The following PCDHGB1 variants were observed in gnomAD, a reference collection of about 807,000 sequenced individuals.
The protein encoded by PCDHGB1 is protocadherin gamma subfamily B, 1.
A neutral mutation model predicts 56.6 loss-of-function variants in PCDHGB1; 34 were observed. The ratio of observed to expected loss-of-function variants is 0.60; its 90% confidence interval spans 0.46 to 0.80. The LOEUF is 0.80. Ranked by LOEUF, PCDHGB1 falls within the 30% of genes least tolerant of loss-of-function variation. The pLI is 0.00. For synonymous variants in PCDHGB1, 561 were observed against 505.9 expected (o/e 1.11, Z -1.46); for missense variants, 1,278 against 1,204.6 (o/e 1.06, Z -0.90).
chr5:141,386,298 A>T (rs1459802596), intron 1 of PCDHGB1, among the ~76,000 whole-genome samples: 1 of 152,242 alleles, frequency 6.6e-6, no homozygotes, highest in African/African-American at 2.4e-5. Flanking sequence ...ACATTTTAGT[A>T]AAGCTCAGTA....
chr5:141,504,755 T>A (rs953075905), intron 2 of PCDHGB1, among the ~76,000 whole-genome samples: 13 of 151,824 alleles, frequency 8.6e-5, no homozygotes, highest in Non-Finnish European at 1.5e-5. Flanking sequence ...ATTTTAGAAA[T>A]TTCTTCTCCC....
chr5:141,378,581 G>A (rs17524659), intron 1 of PCDHGB1: 5,512 of 152,208 alleles, frequency 0.036, 128 homozygotes, highest in South Asian at 0.08. Flanking sequence ...AAACATGCTC[G>A]GTAGTGTCTG....
intron 1 of PCDHGB1, among the ~76,000 whole-genome samples, chr5:141,405,781 A>G (rs913529807): frequency 2.6e-5 from 4 of 151,674 alleles, no homozygotes; most frequent in African/African-American, 7.3e-5. Context: ...CCTGGCCCTT[A>G]ACTTTCTATT....
intron 1 of PCDHGB1, chr5:141,426,745 A>G (rs866203428): frequency 6.2e-5 from 28 of 454,130 alleles, no homozygotes; most frequent in Middle Eastern, 6.5e-4. Context: ...TTTGGCCTGG[A>G]ATCTGCTATA....
chr5:141,456,703 G>A (rs528071544), intron 1 of PCDHGB1, among the ~76,000 whole-genome samples: 37 of 152,180 alleles, frequency 2.4e-4, no homozygotes, highest in Non-Finnish European at 4.9e-4. Context: ...GGTGGCTCGC[G>A]CCTGTAATCC....
intron 2 of PCDHGB1, among the ~76,000 whole-genome samples, chr5:141,499,984 G>A (rs1350203006): frequency 6.6e-6 from 1 of 151,872 alleles, no homozygotes; most frequent in East Asian, 1.9e-4. Context: ...CACCTTGCCC[G>A]GCCAGATGAT....
At chr5:141,420,887 G>C (rs2096530920) in intron 1 of PCDHGB1, among the ~76,000 whole-genome samples, 1 of 152,204 alleles carries the variant, frequency 6.6e-6, no homozygotes, top group African/African-American at 2.4e-5. Context: ...GTGTATCATC[G>C]TTTTTAAGCT....
At chr5:141,474,252 A>T (rs1381172188) in intron 1 of PCDHGB1, among the ~76,000 whole-genome samples, 1 of 152,200 alleles carries the variant, frequency 6.6e-6, no homozygotes, top group Non-Finnish European at 1.5e-5. Flanking sequence ...GGAAAAAAAG[A>T]CTGATAAACC....
At chr5:141,430,656 G>A in intron 1 of PCDHGB1, 1 of 1,092,670 alleles carries the variant, frequency 9.2e-7, no homozygotes, top group Non-Finnish European at 1.3e-6. Context: ...GGAAACAACG[G>A]AGGAGCTCTG....
chr5:141,365,028 T>G, intron 1 of PCDHGB1: 1 of 1,613,890 alleles, frequency 6.2e-7, no homozygotes, highest in Non-Finnish European at 8.5e-7. Flanking sequence ...GTTACGGTCC[T>G]CGACGCAAAC....
At position 141,408,137 on chromosome 5, in the gene PCDHGB1, T is replaced by C; in HGVS notation, c.2409+55468T>C. ...CTCCTGTCCTGGGCCGAATGCTCTT[T>C]TAGCGCGGTAGAGTGCACTTTCTCC... On this transcript the variant is annotated intron_variant, in intron 1 of 3. Coordinates refer to ENST00000523390, the MANE Select transcript of PCDHGB1 (RefSeq NM_018922.3). 4.0e-6 allele frequency: 6 copies of C among 1,488,870 alleles called. No individual in the cohort carries two copies. The South Asian group carries it at 8.2e-5, about 20-fold the overall frequency. 92.2% of individuals were successfully genotyped at this position (1,488,870 alleles called of 1,614,324 possible).
intron 1 of PCDHGB1, chr5:141,404,334 T>TC: frequency 6.2e-7 from 1 of 1,613,882 alleles, no homozygotes; most frequent in Non-Finnish European, 8.5e-7. Context: ...TCAGTCTACC[T>TC]CCCGGAAAAC....
intron 1 of PCDHGB1, chr5:141,393,114 C>T (rs750579370): frequency 1.9e-6 from 3 of 1,613,418 alleles, no homozygotes; most frequent in Non-Finnish European, 8.5e-7. Context: ...TCAGAGCCCG[C>T]GGTGTCTGAT....
chr5:141,399,975 G>A (rs2093929990), intron 1 of PCDHGB1: 2 of 1,612,126 alleles, frequency 1.2e-6, no homozygotes, highest in East Asian at 2.2e-5. Flanking sequence ...TCAGCCTGGG[G>A]CTGCGCACAG....
chr5:141,357,136 G>T (rs779756612), intron 1 of PCDHGB1: 1 of 1,613,540 alleles, frequency 6.2e-7, no homozygotes, highest in Non-Finnish European at 8.5e-7. Flanking sequence ...TGTAGTGGTC[G>T]TCCAGGACCA....
Position 141,373,901 on chromosome 5 carries a change from C to T in PCDHGB1, c.2409+21232C>T. ...AATCAACGGAAACTCAAGTTACATCCTCCAACAACAAAGCAAATTAGACGG... is the reference window on the plus strand; with the variant it reads ...AATCAACGGAAACTCAAGTTACATCTTCCAACAACAAAGCAAATTAGACGG... On this transcript the variant is annotated intron_variant, in intron 1 of 3. Coordinates refer to ENST00000523390, the MANE Select transcript of PCDHGB1 (RefSeq NM_018922.3). 5.3e-6 allele frequency: 3 copies of T among 568,614 alleles called. No homozygotes were observed. In the East Asian group the frequency reaches 9.4e-5, roughly 18 times the overall value. The allele number at this position is 568,614 out of a possible 1,614,324, so 35.2% of individuals were successfully genotyped here.
chr5:141,467,775 C>T (rs1464827506), intron 1 of PCDHGB1, among the ~76,000 whole-genome samples: 1 of 151,960 alleles, frequency 6.6e-6, no homozygotes, highest in Non-Finnish European at 1.5e-5. Context: ...GCCCGCACCT[C>T]AGCCTCTCAA....
At chr5:141,419,723 C>A in intron 1 of PCDHGB1, 6 of 1,613,292 alleles carry the variant, frequency 3.7e-6, no homozygotes, top group Non-Finnish European at 5.1e-6. Flanking sequence ...CCTGGGGCTG[C>A]GAACAGGCGA....
In PCDHGB1 at chr5:141,413,348, T is replaced by C. The variant is rs1217580039; in HGVS notation, c.2409+60679T>C. On this transcript the variant is annotated intron_variant, in intron 1 of 3. Transcript: ENST00000523390. The stretch of plus-strand genomic sequence containing the variant: ...GGCAACATCTCCAAGGACTTGGGTC[T>C]GGCGCCCCGGGAGCTGGCGGAGCGC... The C allele has an allele frequency of 1.9e-6, 3 of 1,613,872 alleles. No homozygotes were observed. In the Admixed American group the frequency reaches 5.0e-5, roughly 27 times the overall value.
Sources: allele counts gnomAD v4.1 joint callset (sites outside exome capture counted in the v4.1 genomes callset), GRCh38; gene constraint gnomAD v4.1.1; transcripts MANE v1.5; gene names NCBI Gene and HGNC (gene_info 2026-07-23, HGNC 2026-07-21).